The following LRMDA variants were observed in gnomAD, a reference collection of about 807,000 sequenced individuals.
The protein encoded by LRMDA is leucine-rich melanocyte differentiation-associated protein.
A neutral mutation model predicts 29.8 loss-of-function variants in LRMDA; 18 were observed. That is an observed-to-expected ratio of 0.60 (90% CI 0.42 to 0.90). LRMDA has a LOEUF of 0.90. Among genes scored for constraint, LRMDA ranks in the 40% least tolerant of loss-of-function variants. The pLI, the probability that LRMDA is intolerant of heterozygous loss-of-function variation, is 0.00. For synonymous variants in LRMDA, 125 were observed against 109.4 expected (o/e 1.14, Z -0.89); for missense variants, 273 against 273.9 (o/e 1.00, Z 0.02).
At chr10:75,476,531 A>G (rs1589154572) in intron 2 of LRMDA, among the ~76,000 whole-genome samples, 1 of 152,182 alleles carries the variant, frequency 6.6e-6, no homozygotes, top group Middle Eastern at 3.4e-3. Flanking sequence ...CCTATCTCCT[A>G]CACCTTGCCA....
intron 2 of LRMDA, among the ~76,000 whole-genome samples, chr10:75,805,050 AC>A (rs759619326): frequency 1.3e-5 from 2 of 152,190 alleles, no homozygotes; most frequent in African/African-American, 4.8e-5. Flanking sequence ...CTACTCCTTT[AC>A]CAACACTCTT....
intron 2 of LRMDA, among the ~76,000 whole-genome samples, chr10:76,010,290 G>A (rs981956544): frequency 3.3e-5 from 5 of 151,604 alleles, no homozygotes; most frequent in African/African-American, 1.2e-4. Context: ...TGGTGTTTAG[G>A]GTACTCTTAA....
At chr10:75,614,351 G>A (rs544586163) in intron 2 of LRMDA, among the ~76,000 whole-genome samples, 2 of 152,292 alleles carry the variant, frequency 1.3e-5, no homozygotes, top group East Asian at 1.9e-4. Context: ...CTGACGGGAA[G>A]GGATGATGTA....
rs112951569 is a variant in LRMDA at position 76,481,172 on chromosome 10, C to A, written c.602-76037C>A. Reference sequence around the variant, plus strand: ...ACAATTCTATTAAATGATATTTAAACCAAGGAGATAAAGCTTACGTATATT... The same window carrying A: ...ACAATTCTATTAAATGATATTTAAAACAAGGAGATAAAGCTTACGTATATT... On this transcript the variant is annotated intron_variant, in intron 6 of 6. Coordinates refer to ENST00000611255, the MANE Select transcript of LRMDA (RefSeq NM_001305581.2). 9.2e-3 allele frequency among the ~76,000 whole-genome samples: 1,405 copies of A among 151,912 alleles called. 17 individuals carry two copies. The highest frequency in any genetic ancestry group is 0.032 in the African/African-American group (1,331 of 41,478).
At chr10:75,553,027 C>T (rs771655407) in intron 2 of LRMDA, among the ~76,000 whole-genome samples, 1 of 152,160 alleles carries the variant, frequency 6.6e-6, no homozygotes, top group Non-Finnish European at 1.5e-5. Flanking sequence ...ATAATTTTAA[C>T]ATCTGCATCA....
At chr10:75,442,073 T>C (rs1161098066) in intron 2 of LRMDA, among the ~76,000 whole-genome samples, 1 of 152,242 alleles carries the variant, frequency 6.6e-6, no homozygotes, top group Non-Finnish European at 1.5e-5. Flanking sequence ...TTTTGTGTCA[T>C]CTTCCAGAGA....
At chr10:76,256,337 T>C (rs764777403) in intron 5 of LRMDA, among the ~76,000 whole-genome samples, 4 of 152,192 alleles carry the variant, frequency 2.6e-5, no homozygotes, top group Non-Finnish European at 5.9e-5. Context: ...AATATTGAAA[T>C]TATCTTGCTG....
At chr10:76,086,070 A>G (rs1849129992) in intron 5 of LRMDA, among the ~76,000 whole-genome samples, 1 of 152,098 alleles carries the variant, frequency 6.6e-6, no homozygotes, top group Admixed American at 6.5e-5. Context: ...CATAAAACCA[A>G]ATTTCTCTTC....
At chr10:75,520,359 G>A (rs1845342002) in intron 2 of LRMDA, among the ~76,000 whole-genome samples, 1 of 152,068 alleles carries the variant, frequency 6.6e-6, no homozygotes, top group African/African-American at 2.4e-5. Context: ...CATATTTTTT[G>A]GAGGCTTTGT....
chr10:76,190,184 C>G (rs1414944972), intron 5 of LRMDA, among the ~76,000 whole-genome samples: 1 of 152,004 alleles, frequency 6.6e-6, no homozygotes, highest in Non-Finnish European at 1.5e-5. Context: ...AGAAATTGAA[C>G]TGGATTAAGT....
intron 5 of LRMDA, among the ~76,000 whole-genome samples, chr10:76,278,495 C>T (rs898146961): frequency 3.9e-5 from 6 of 152,172 alleles, no homozygotes; most frequent in Admixed American, 1.3e-4. Flanking sequence ...AGGCGTTCCT[C>T]GCTTCTGCTT....
At chr10:76,260,105 T>C (rs1402510632) in intron 5 of LRMDA, among the ~76,000 whole-genome samples, 1 of 152,182 alleles carries the variant, frequency 6.6e-6, no homozygotes. Flanking sequence ...GGTGAGGACT[T>C]ACTCTTGTCA....
At chr10:76,048,607 C>T (rs1848479929) in intron 4 of LRMDA, among the ~76,000 whole-genome samples, 1 of 152,132 alleles carries the variant, frequency 6.6e-6, no homozygotes, top group African/African-American at 2.4e-5. Flanking sequence ...ATCAGTATTC[C>T]ATAATCAAGG....
intron 5 of LRMDA, among the ~76,000 whole-genome samples, chr10:76,256,753 T>C (rs913544968): frequency 6.6e-6 from 1 of 152,206 alleles, no homozygotes; most frequent in Non-Finnish European, 1.5e-5. Context: ...CTTAAAAGTT[T>C]ATCTTTTAAG....
At chr10:75,783,110 G>A (rs956126182) in intron 2 of LRMDA, 7 of 1,495,264 alleles carry the variant, frequency 4.7e-6, no homozygotes, top group Non-Finnish European at 6.5e-6. Context: ...TGGCTGTCAG[G>A]GTAGGACTTG....
At chr10:75,874,425 T>G (rs1845162766) in intron 2 of LRMDA, among the ~76,000 whole-genome samples, 2 of 152,122 alleles carry the variant, frequency 1.3e-5, no homozygotes, top group South Asian at 4.1e-4. Flanking sequence ...GGGATAAAAT[T>G]TTAAAATGGG....
At chr10:76,362,194 G>A (rs573797735) in intron 6 of LRMDA, among the ~76,000 whole-genome samples, 5 of 152,074 alleles carry the variant, frequency 3.3e-5, no homozygotes, top group South Asian at 2.1e-4. Context: ...GGTTATCCAC[G>A]GGCTAGTGAA....
chr10:75,580,165 A>G (rs1840568520), intron 2 of LRMDA, among the ~76,000 whole-genome samples: 1 of 152,266 alleles, frequency 6.6e-6, no homozygotes, highest in Admixed American at 6.5e-5. Context: ...TTGTACAGTT[A>G]GAAAATCCCA....
chr10:75,739,551 C>T (rs533140558), intron 2 of LRMDA, among the ~76,000 whole-genome samples: 2 of 152,072 alleles, frequency 1.3e-5, no homozygotes, highest in South Asian at 4.2e-4. Context: ...GTTGGTCAGG[C>T]CATATATTAT....
Sources: allele counts gnomAD v4.1 joint callset (sites outside exome capture counted in the v4.1 genomes callset), GRCh38; gene constraint gnomAD v4.1.1; transcripts MANE v1.5; gene names NCBI Gene and HGNC (gene_info 2026-07-23, HGNC 2026-07-21).